NAA15: variants seen among roughly 807,000 people sequenced by gnomAD.
NAA15 encodes N-alpha-acetyltransferase 15, NatA auxiliary subunit.
NAA15 carries 34 observed loss-of-function variants against 114.0 expected under a neutral mutation model. That is an observed-to-expected ratio of 0.30 (90% confidence interval 0.23 to 0.40). The LOEUF (loss-of-function observed/expected upper bound fraction) is 0.40. NAA15 is among the 10% of genes least tolerant of loss of function. NAA15 has a pLI of 1.00. For synonymous variants in NAA15, 340 were observed against 338.0 expected, an observed-to-expected ratio of 1.01 and a Z score of -0.06; for missense variants, 658 against 1,004.5, an observed-to-expected ratio of 0.66 and a Z score of 4.66.
chr4:139,345,366 C>T (rs1267893117), intron 6 of NAA15, among the ~76,000 whole-genome samples: 1 of 152,188 alleles, frequency 6.6e-6, no homozygotes, highest in East Asian at 1.9e-4. Context: ...AAACTTGTCT[C>T]ATTGGCCACT....
chr4:139,384,592 T>G (rs1049811535), intron 17 of NAA15, among the ~76,000 whole-genome samples: 9 of 152,222 alleles, frequency 5.9e-5, no homozygotes, highest in Non-Finnish European at 1.3e-4. Flanking sequence ...CATCATTAGG[T>G]AATTTAACTC....
At chr4:139,315,317 C>A (rs1392286685) in intron 1 of NAA15, among the ~76,000 whole-genome samples, 5 of 151,832 alleles carry the variant, frequency 3.3e-5, no homozygotes, top group Non-Finnish European at 5.9e-5. Context: ...CCCAAGAGTT[C>A]CAGGCCAGCC....
intron 6 of NAA15, among the ~76,000 whole-genome samples, chr4:139,346,320 G>A (rs1747581236): frequency 6.6e-6 from 1 of 152,126 alleles, no homozygotes; most frequent in Non-Finnish European, 1.5e-5. Flanking sequence ...AAGGCTATCA[G>A]CTCATTCCAC....
At chr4:139,368,660 T>C (rs983374760) in intron 14 of NAA15, among the ~76,000 whole-genome samples, 1 of 152,200 alleles carries the variant, frequency 6.6e-6, no homozygotes, top group Non-Finnish European at 1.5e-5. Flanking sequence ...TACCTTGGTG[T>C]ATAGTACATG....
At chr4:139,349,618 C>G (rs771806186) in intron 7 of NAA15, 37 bp downstream of exon 7, 9 of 1,543,358 alleles carry the variant, frequency 5.8e-6, no homozygotes, top group African/African-American at 1.4e-5. Context: ...TTTATTGTTT[C>G]TTTTGTTAAT....
chr4:139,307,532 GC>G (rs1227896977), intron 1 of NAA15, among the ~76,000 whole-genome samples: 3 of 152,226 alleles, frequency 2.0e-5, no homozygotes, highest in Non-Finnish European at 4.4e-5. Context: ...TTCCCAAAGT[GC>G]TGGGATTACA....
chr4:139,332,339 C>G (rs1298754072), intron 1 of NAA15, among the ~76,000 whole-genome samples: 12 of 151,894 alleles, frequency 7.9e-5, no homozygotes, highest in Admixed American at 7.9e-4. Context: ...CCATGTTGGC[C>G]TGGCTGGTCT....
chr4:139,357,668 A>G, intron 11 of NAA15, 113 bp downstream of exon 11: 1 of 687,718 alleles, frequency 1.5e-6, no homozygotes, highest in Non-Finnish European at 2.4e-6. Context: ...AACTCAAAAA[A>G]CATGAAGTAA....
chr4:139,314,823 G>GT (rs1285442609), intron 1 of NAA15, among the ~76,000 whole-genome samples: 3 of 151,640 alleles, frequency 2.0e-5, no homozygotes, highest in Non-Finnish European at 4.4e-5. Flanking sequence ...GATTACAGGC[G>GT]TGTGCCACCA....
chr4:139,328,068 C>G (rs992197630), intron 1 of NAA15, among the ~76,000 whole-genome samples: 1 of 151,794 alleles, frequency 6.6e-6, no homozygotes, highest in Non-Finnish European at 1.5e-5. Context: ...TCTTTTCTCT[C>G]TCTTTCATTG....
chr4:139,308,857 C>G (rs1746116204), intron 1 of NAA15, among the ~76,000 whole-genome samples: 1 of 151,810 alleles, frequency 6.6e-6, no homozygotes, highest in Non-Finnish European at 1.5e-5. Flanking sequence ...CTCGGGTGAT[C>G]CACCCACCTC....
rs555652452 is a variant in NAA15 at position 139,307,153 on chromosome 4, T to A, written c.54+5322T>A. Among the ~76,000 whole-genome samples the A allele has an allele frequency of 1.5e-3, 221 of 152,236 alleles. 1 individual carries two copies. The highest frequency in any genetic ancestry group is 2.4e-3 in the Non-Finnish European group (160 of 68,036). ...CCAGGTAAAATGAGAAATCTACCATTTGCCAGGCTCTGCTCTAGGTGCTTT... is the reference window on the plus strand; with the variant it reads ...CCAGGTAAAATGAGAAATCTACCATATGCCAGGCTCTGCTCTAGGTGCTTT... On this transcript the variant is annotated intron_variant, in intron 1 of 19. Coordinates refer to ENST00000296543, the MANE Select transcript of NAA15 (RefSeq NM_057175.5).
At chr4:139,338,041 G>T (rs923548579) in intron 3 of NAA15, among the ~76,000 whole-genome samples, 4 of 152,170 alleles carry the variant, frequency 2.6e-5, no homozygotes, top group African/African-American at 4.8e-5. Context: ...TGATTTATTT[G>T]AGTTCCTCTT....
At position 139,346,800 on chromosome 4, in the gene NAA15, C is replaced by T. The variant is rs375671976; in HGVS notation, c.691+2461C>T. Among the ~76,000 whole-genome samples, 33 of 152,104 alleles carry T rather than the reference C, an allele frequency of 2.2e-4. 1 individual carries two copies. The highest frequency in any genetic ancestry group is 3.2e-3 in the Middle Eastern group (1 of 316). On this transcript the variant is annotated intron_variant, in intron 6 of 19. Transcript: ENST00000296543. ...ACCCCCAAAGTGCTGGGATTATAGG[C>T]GTGAGCCACCGCACCCAGCCTAGGC...
intron 1 of NAA15, among the ~76,000 whole-genome samples, chr4:139,314,540 C>G (rs1386847332): frequency 6.6e-6 from 1 of 151,840 alleles, no homozygotes; most frequent in Non-Finnish European, 1.5e-5. Flanking sequence ...GTTCTTAACT[C>G]TGAAGTATGG....
intron 3 of NAA15, among the ~76,000 whole-genome samples, chr4:139,337,911 G>C (rs1350688298): frequency 1.3e-5 from 2 of 152,200 alleles, no homozygotes; most frequent in East Asian, 3.8e-4. Context: ...AGAAGTATGT[G>C]AATTGAGAGT....
intron 1 of NAA15, among the ~76,000 whole-genome samples, chr4:139,315,529 TAAC>T (rs955183943): frequency 4.0e-5 from 6 of 150,690 alleles, no homozygotes; most frequent in East Asian, 2.0e-4. Flanking sequence ...AGAACAACAA[TAAC>T]AACAACAACA....
chr4:139,308,221 T>A lies in NAA15; in HGVS notation c.54+6390T>A, dbSNP rs532935886. The stretch of plus-strand genomic sequence containing the variant: ...CCTGATCTGCCCGCCTTGGCCTCCC[T>A]AAGTGCTAGGATTACAGGCATGAAC... On this transcript the variant is annotated intron_variant, in intron 1 of 19. Coordinates refer to ENST00000296543, the MANE Select transcript of NAA15 (RefSeq NM_057175.5). Among the ~76,000 whole-genome samples the A allele has an allele frequency of 1.1e-3, 165 of 152,212 alleles. 1 individual carries two copies. The highest frequency in any genetic ancestry group is 2.7e-3 in the South Asian group (13 of 4,824).
At chr4:139,338,659 GCTGGTGT>G (rs1173892743) in intron 3 of NAA15, among the ~76,000 whole-genome samples, 1 of 152,168 alleles carries the variant, frequency 6.6e-6, no homozygotes, top group Non-Finnish European at 1.5e-5. Context: ...TGTTGGCCAG[GCTGGTGT>G]CAAACTCCTG....
Sources: allele counts gnomAD v4.1 joint callset (sites outside exome capture counted in the v4.1 genomes callset), GRCh38; gene constraint gnomAD v4.1.1; transcripts MANE v1.5; gene names NCBI Gene and HGNC (gene_info 2026-07-23, HGNC 2026-07-21).